Variants in GBE1 observed in about 807,000 individuals in gnomAD.
The protein encoded by GBE1 is 1,4-alpha-glucan-branching enzyme.
A neutral mutation model predicts 88.8 loss-of-function variants in GBE1; 70 were observed. That is an observed-to-expected ratio of 0.79 (90% CI 0.65 to 0.96). The LOEUF (loss-of-function observed/expected upper bound fraction) is 0.96, where lower values mean the gene tolerates loss of function less well. GBE1 is among the 40% of genes least tolerant of loss of function. The pLI is 0.00. For missense variants in GBE1, 872 were observed against 871.0 expected, an observed-to-expected ratio of 1.00 and a Z score of -0.01; for synonymous variants, 284 against 300.1, an observed-to-expected ratio of 0.95 and a Z score of 0.56.
intron 7 of GBE1, among the ~76,000 whole-genome samples, chr3:81,633,444 T>C (rs1396837668): frequency 6.6e-6 from 1 of 152,198 alleles, no homozygotes; most frequent in African/African-American, 2.4e-5. Flanking sequence ...ACCTATTCTC[T>C]ATACTGCCTG....
At chr3:81,683,612 T>C (rs1338273188) in intron 2 of GBE1, among the ~76,000 whole-genome samples, 1 of 152,214 alleles carries the variant, frequency 6.6e-6, no homozygotes, top group Non-Finnish European at 1.5e-5. Flanking sequence ...GCTTCAGAGG[T>C]GATTACCAAC....
At chr3:81,640,121 T>C (rs540813286) in intron 7 of GBE1, among the ~76,000 whole-genome samples, 13 of 152,324 alleles carry the variant, frequency 8.5e-5, no homozygotes, top group African/African-American at 3.1e-4. Context: ...TATTGTTTAA[T>C]AATGTCATGA....
intron 1 of GBE1, among the ~76,000 whole-genome samples, chr3:81,760,822 C>G (rs1706669455): frequency 6.6e-6 from 1 of 152,138 alleles, no homozygotes; most frequent in Non-Finnish European, 1.5e-5. Context: ...AAAAATTGAT[C>G]AATGTAGGTG....
chr3:81,608,942 A>G (rs1350513587), intron 7 of GBE1, among the ~76,000 whole-genome samples: 1 of 152,310 alleles, frequency 6.6e-6, no homozygotes, highest in Middle Eastern at 3.4e-3. Flanking sequence ...GGAAACGTTG[A>G]CTCAAAGAAG....
At chr3:81,555,901 A>G (rs1182799488) in intron 12 of GBE1, among the ~76,000 whole-genome samples, 1 of 152,186 alleles carries the variant, frequency 6.6e-6, no homozygotes, top group Non-Finnish European at 1.5e-5. Context: ...GTCTTCTTCA[A>G]CGACACACAA....
At chr3:81,601,565 T>C (rs1704032661) in intron 7 of GBE1, among the ~76,000 whole-genome samples, 1 of 152,182 alleles carries the variant, frequency 6.6e-6, no homozygotes, top group African/African-American at 2.4e-5. Flanking sequence ...TGCACCCTCC[T>C]GAATGGGGAT....
At chr3:81,636,800 G>T (rs1704598970) in intron 7 of GBE1, among the ~76,000 whole-genome samples, 1 of 152,032 alleles carries the variant, frequency 6.6e-6, no homozygotes, top group South Asian at 2.1e-4. Flanking sequence ...AAAATGCCGG[G>T]ATTACAGGTG....
At chr3:81,605,389 A>T (rs1461388930) in intron 7 of GBE1, among the ~76,000 whole-genome samples, 1 of 152,192 alleles carries the variant, frequency 6.6e-6, no homozygotes, top group Non-Finnish European at 1.5e-5. Context: ...CAGGCATGTT[A>T]TTAATGCAGA....
At chr3:81,527,124 A>C (rs1197958412) in intron 14 of GBE1, among the ~76,000 whole-genome samples, 1 of 152,164 alleles carries the variant, frequency 6.6e-6, no homozygotes, top group Admixed American at 6.5e-5. Flanking sequence ...TGGGGAAAGG[A>C]TTCCCTATTT....
chr3:81,735,493 G>T (rs1007650134), intron 1 of GBE1, among the ~76,000 whole-genome samples: 6 of 152,148 alleles, frequency 3.9e-5, no homozygotes, highest in African/African-American at 9.7e-5. Context: ...TTCAGGAAGT[G>T]GGAAAATCAC....
chr3:81,743,607 C>G (rs1365024715), intron 1 of GBE1: 2 of 1,534,952 alleles, frequency 1.3e-6, no homozygotes, highest in Non-Finnish European at 8.7e-7. Context: ...AGCTGTTAAT[C>G]TGGGCCGAAT....
intron 1 of GBE1, among the ~76,000 whole-genome samples, chr3:81,750,616 T>TATATATATAC (rs1491122045): frequency 1.5e-5 from 1 of 68,818 alleles, no homozygotes; most frequent in Non-Finnish European, 2.4e-5. Context: ...TATATATATA[T>TATATATATAC]GTATATATAT....
chr3:81,563,427 G>C (rs1703447468), intron 12 of GBE1, among the ~76,000 whole-genome samples: 1 of 152,136 alleles, frequency 6.6e-6, no homozygotes, highest in Non-Finnish European at 1.5e-5. Context: ...CTATTCATTT[G>C]TTTGCATGTC....
At chr3:81,589,264 T>C (rs1476463515) in intron 9 of GBE1, among the ~76,000 whole-genome samples, 2 of 151,912 alleles carry the variant, frequency 1.3e-5, no homozygotes, top group African/African-American at 4.8e-5. Flanking sequence ...AAATGGTAGA[T>C]AAACTTGAGC....
At position 81,750,641 on chromosome 3, in the gene GBE1, A is replaced by ATGTG. The variant is rs1313999270; in HGVS notation, c.143+10733_143+10734insCACA. Among the ~76,000 whole-genome samples, 5 of 53,098 alleles carry ATGTG rather than the reference A, an allele frequency of 9.4e-5. 1 individual carries two copies. Among genetic ancestry groups the ATGTG allele is most frequent in the African/African-American group, 6.4e-4 (5 of 7,874 alleles). 34.8% of individuals were successfully genotyped at this position (53,098 alleles called of 152,430 possible). On this transcript the variant is annotated intron_variant, in intron 1 of 15. Coordinates refer to ENST00000429644, the MANE Select transcript of GBE1 (RefSeq NM_000158.4). ...TGTATATATATATACGTATATATAT[A>ATGTG]TATGTATATATATATATGTATATAT... is the stretch of plus-strand genomic sequence containing the variant.
At chr3:81,538,069 T>G (rs767286875) in intron 12 of GBE1, among the ~76,000 whole-genome samples, 24 of 152,078 alleles carry the variant, frequency 1.6e-4, no homozygotes, top group Non-Finnish European at 2.6e-4. Context: ...TTCCAAACTT[T>G]TCTTTCATGT....
intron 7 of GBE1, among the ~76,000 whole-genome samples, chr3:81,635,232 G>A (rs1383271984): frequency 6.6e-6 from 1 of 152,018 alleles, no homozygotes; most frequent in Non-Finnish European, 1.5e-5. Context: ...TGTGGCTATC[G>A]GCTTCTCTTA....
intron 1 of GBE1, among the ~76,000 whole-genome samples, chr3:81,709,108 C>G (rs1277321749): frequency 6.6e-6 from 1 of 152,202 alleles, no homozygotes; most frequent in East Asian, 1.9e-4. Context: ...AGTTACACCT[C>G]ATTGCTGCGT....
intron 7 of GBE1, among the ~76,000 whole-genome samples, chr3:81,605,549 T>G (rs1704091846): frequency 6.6e-6 from 1 of 152,184 alleles, no homozygotes; most frequent in Admixed American, 6.6e-5. Flanking sequence ...AAAATGAATG[T>G]GTAAAAATTC....
Sources: allele counts gnomAD v4.1 joint callset (sites outside exome capture counted in the v4.1 genomes callset), GRCh38; gene constraint gnomAD v4.1.1; transcripts MANE v1.5; gene names NCBI Gene and HGNC (gene_info 2026-07-23, HGNC 2026-07-21).